ZNF280B: variants seen among roughly 807,000 people sequenced by gnomAD.
ZNF280B encodes zinc finger protein 280B, also known as suppressor of hairy wing homolog 2.
Under a neutral mutation model 38.0 loss-of-function variants are expected in ZNF280B, and 16 were observed. That is an observed-to-expected ratio of 0.42 (90% CI 0.28 to 0.64). The LOEUF is 0.64. Among genes scored for constraint, ZNF280B ranks in the 30% least tolerant of loss-of-function variants. The pLI, the probability that ZNF280B is intolerant of heterozygous loss-of-function variation, is 0.21. For synonymous variants in ZNF280B, 253 were observed against 230.6 expected (o/e 1.10, Z -0.88); for missense variants, 581 against 639.6 (o/e 0.91, Z 0.99).
chr22:22,495,204 C>G (rs1273247524), intron 2 of ZNF280B, among the ~76,000 whole-genome samples: 1 of 151,922 alleles, frequency 6.6e-6, no homozygotes, highest in Non-Finnish European at 1.5e-5. Context: ...TAGGAGCTCC[C>G]AGACTTGAAG....
intron 2 of ZNF280B, among the ~76,000 whole-genome samples, chr22:22,505,932 A>G (rs1384883690): frequency 6.6e-6 from 1 of 151,952 alleles, no homozygotes; most frequent in Non-Finnish European, 1.5e-5. Context: ...TAATAGTGGA[A>G]GCAGAAGACA....
chr22:22,498,793 CT>C (rs60940298), intron 2 of ZNF280B, among the ~76,000 whole-genome samples: 14 of 83,654 alleles, frequency 1.7e-4, no homozygotes, highest in Admixed American at 1.2e-3. Flanking sequence ...GGCCAATATC[CT>C]TTTTTTTTTT....
chr22:22,489,284 T>C lies in ZNF280B; in HGVS notation c.115A>G (p.Asn39Asp), dbSNP rs777788996. The C allele has an allele frequency of 6.2e-7, 1 of 1,613,846 alleles. No homozygotes were observed. The highest frequency in any genetic ancestry group is 8.5e-7 in the Non-Finnish European group (1 of 1,179,952). The change falls in exon 4 of 4, where the codon AAT becomes GAT. Residue 39 changes from asparagine to aspartate, a missense_variant. Asn to Asp is a conservative substitution (Grantham distance 23). Transcript: ENST00000626650. ...ELIFVGVEHV[N>D]EDAELIFVGV... ...ACAAAGATTAGCTCAGCATCTTCAT[T>C]TACATGTTCCACACCAACAAAGATG...
In ZNF280B at chr22:22,487,897, A is replaced by G; in HGVS notation, c.1502T>C (p.Val501Ala). ...QLEGLPPETKVTIQVSLEPLQ... is the reference protein window; with the variant it reads ...QLEGLPPETKATIQVSLEPLQ... Reference sequence around the variant, plus strand: ...AGGTTCCAGCGACACTTGAATAGTAACTTTTGTTTCAGGAGGTAATCCTTC... The same window carrying G: ...AGGTTCCAGCGACACTTGAATAGTAGCTTTTGTTTCAGGAGGTAATCCTTC... The change falls in exon 4 of 4, where the codon GTT becomes GCT. Residue 501 changes from valine (V) to alanine (A), a missense_variant. Coordinates refer to ENST00000626650, the MANE Select transcript of ZNF280B (RefSeq NM_080764.4). 1 of 1,613,842 alleles carries G rather than the reference A, an allele frequency of 6.2e-7. No homozygotes were observed. Among genetic ancestry groups the G allele is most frequent in the Non-Finnish European group, 8.5e-7 (1 of 1,179,946 alleles).
At chr22:22,508,240 C>T (rs1203565376) in intron 1 of ZNF280B, among the ~76,000 whole-genome samples, 1 of 151,904 alleles carries the variant, frequency 6.6e-6, no homozygotes, top group Non-Finnish European at 1.5e-5. Flanking sequence ...TCTGGGCCTA[C>T]AGGTCTCCAG....
chr22:22,500,457 A>G (rs2061793834), intron 2 of ZNF280B, among the ~76,000 whole-genome samples: 1 of 151,962 alleles, frequency 6.6e-6, no homozygotes, highest in Non-Finnish European at 1.5e-5. Context: ...TTGAACCTTG[A>G]GGATATTATG....
chr22:22,488,015 A>T lies in ZNF280B; in HGVS notation c.1384T>A (p.Cys462Ser). The change falls in exon 4 of 4, where the codon TGT becomes AGT. Residue 462 changes from cysteine to serine, a missense_variant. Cys to Ser is a moderately radical substitution (Grantham distance 112). Transcript: ENST00000626650. Reference sequence around the variant, plus strand: ...AAAAACTGTAGCCGGCACTTGGAACACTGGTGTGCACTCTTTCCCCAGTGG... The same window carrying T: ...AAAAACTGTAGCCGGCACTTGGAACTCTGGTGTGCACTCTTTCCCCAGTGG... Reference protein sequence around the residue: ...RGHWGKSAHQCSKCRLQFLTF... With the variant: ...RGHWGKSAHQSSKCRLQFLTF... 6.2e-7 allele frequency: 1 copy of T among 1,613,664 alleles called. No homozygotes were observed. The highest frequency in any genetic ancestry group is 8.5e-7 in the Non-Finnish European group (1 of 1,179,932).
At chr22:22,507,073 G>A (rs2146871599) in intron 2 of ZNF280B, among the ~76,000 whole-genome samples, 1 of 152,040 alleles carries the variant, frequency 6.6e-6, no homozygotes, top group South Asian at 2.1e-4. Flanking sequence ...TAAGCCAGCT[G>A]CTGTGACATG....
intron 2 of ZNF280B, among the ~76,000 whole-genome samples, chr22:22,506,058 T>C (rs888915675): frequency 1.3e-5 from 2 of 151,790 alleles, no homozygotes; most frequent in East Asian, 2.0e-4. Context: ...ACAAGGTTCA[T>C]TGATGGATTG....
At chr22:22,492,640 A>T (rs2061618076) in intron 3 of ZNF280B, among the ~76,000 whole-genome samples, 1 of 151,888 alleles carries the variant, frequency 6.6e-6, no homozygotes, top group East Asian at 2.0e-4. Context: ...TAATCCCAGC[A>T]CTTTGGGAGG....
intron 3 of ZNF280B, among the ~76,000 whole-genome samples, chr22:22,490,180 T>A (rs2061565157): frequency 6.6e-6 from 1 of 151,862 alleles, no homozygotes; most frequent in Non-Finnish European, 1.5e-5. Flanking sequence ...CCTCCTAAAT[T>A]TTCCCCTCCA....
At chr22:22,491,745 A>C (rs192176621) in intron 3 of ZNF280B, among the ~76,000 whole-genome samples, 74 of 152,048 alleles carry the variant, frequency 4.9e-4, no homozygotes, top group African/African-American at 1.7e-3. Flanking sequence ...AGCATGAGCC[A>C]TGGATTACAA....
In ZNF280B at chr22:22,488,349, C is replaced by A. The variant is rs772734577; in HGVS notation, c.1050G>T (p.Arg350=). The A allele has an allele frequency of 5.0e-6, 8 of 1,613,824 alleles. No individual in the cohort carries two copies. The Admixed American group carries it at 1.3e-4, about 27-fold the overall frequency. ...ENHTTCQHCH[R]QFPTPFQLQC... is the part of the protein sequence containing the mutation. Reference sequence around the variant, plus strand: ...GTAGCTGGAAGGGAGTGGGAAACTGCCGGTGGCAGTGCTGGCAGGTGGTGT... The same window carrying A: ...GTAGCTGGAAGGGAGTGGGAAACTGACGGTGGCAGTGCTGGCAGGTGGTGT... The change falls in exon 4 of 4, where the codon CGG becomes CGT. Residue 350 remains arginine (R), a synonymous_variant. Transcript: ENST00000626650.
At chr22:22,506,569 T>C (rs991137896) in intron 2 of ZNF280B, among the ~76,000 whole-genome samples, 21 of 151,736 alleles carry the variant, frequency 1.4e-4, no homozygotes, top group African/African-American at 4.8e-4. Context: ...GAAATTTTCC[T>C]GTAAGGACAA....
At chr22:22,495,220 T>C (rs1341199210) in intron 2 of ZNF280B, among the ~76,000 whole-genome samples, 1 of 151,982 alleles carries the variant, frequency 6.6e-6, no homozygotes, top group Non-Finnish European at 1.5e-5. Context: ...TGAAGAAAAT[T>C]GGCTGTTTCC....
chr22:22,499,849 G>C (rs1347868604), intron 2 of ZNF280B, among the ~76,000 whole-genome samples: 1 of 151,828 alleles, frequency 6.6e-6, no homozygotes, highest in African/African-American at 2.4e-5. Flanking sequence ...AAGGTAATTA[G>C]GCAAGAAAAG....
chr22:22,488,706 A>T lies in ZNF280B; in HGVS notation c.693T>A (p.Asn231Lys). 1 of 1,613,878 alleles carries T rather than the reference A, an allele frequency of 6.2e-7. No individual in the cohort carries two copies. The highest frequency in any genetic ancestry group is 8.5e-7 in the Non-Finnish European group (1 of 1,179,980). ...GAAAAGCTGCTGGAAAAGGTGCTCC[A>T]TTCTGAACATGGCTTAATGAGGTAT... Reference protein sequence around the residue: ...NVHTSLSHVQNGAPFPAAFPK... With the variant: ...NVHTSLSHVQKGAPFPAAFPK... The change falls in exon 4 of 4, where the codon AAT becomes AAA. Residue 231 changes from asparagine to lysine, a missense_variant. Transcript: ENST00000626650.
intron 3 of ZNF280B, among the ~76,000 whole-genome samples, chr22:22,492,279 T>G (rs1335924181): frequency 6.6e-6 from 1 of 151,906 alleles, no homozygotes. Flanking sequence ...TCTGTCTATA[T>G]ACAACTTCAA....
chr22:22,491,388 A>C (rs886396334), intron 3 of ZNF280B, among the ~76,000 whole-genome samples: 17 of 151,430 alleles, frequency 1.1e-4, no homozygotes, highest in Admixed American at 4.6e-4. Context: ...ACATACACAT[A>C]AATAATAACT....
Sources: allele counts gnomAD v4.1 joint callset (sites outside exome capture counted in the v4.1 genomes callset), GRCh38; gene constraint gnomAD v4.1.1; transcripts MANE v1.5; gene names NCBI Gene and HGNC (gene_info 2026-07-23, HGNC 2026-07-21).